WDR90: variants seen among roughly 807,000 people sequenced by gnomAD.
WDR90 encodes the protein WD repeat-containing protein 90.
A neutral mutation model predicts 195.2 loss-of-function variants in WDR90; 238 were observed. The observed-to-expected ratio is 1.22, with a 90% confidence interval of 1.10 to 1.36. The LOEUF is 1.36. WDR90 is among the 40% of genes most tolerant of loss of function. WDR90 has a pLI of 0.00. For missense variants in WDR90, 2,734 were observed against 2,439.5 expected (o/e 1.12, Z -2.54); for synonymous variants, 1,265 against 1,052.4 (o/e 1.20, Z -3.91).
At chr16:662,957 CG>C (rs756930102) in intron 34 of WDR90, 113 bp downstream of exon 34, 2 of 1,463,100 alleles carry the variant, frequency 1.4e-6, no homozygotes, top group South Asian at 2.4e-5. Context: ...GTCACTGGCT[CG>C]CAGCGGCCGC....
At chr16:665,208 G>A (rs1464436942) in intron 34 of WDR90, 3 of 315,288 alleles carry the variant, frequency 9.5e-6, no homozygotes, top group Non-Finnish European at 1.2e-5. Context: ...TGGCGCGCTC[G>A]CTGCAACCTC....
intron 13 of WDR90, chr16:654,669 C>G (rs952694217): frequency 3.6e-6 from 1 of 275,916 alleles, no homozygotes; most frequent in South Asian, 6.4e-5. Context: ...AGGCTGGTCT[C>G]AAACTCCAGG....
chr16:657,137 C>A lies in WDR90; in HGVS notation c.2389C>A (p.Arg797Ser). Residue 797 changes from arginine (R) to serine (S), a missense_variant, in exon 20 of 41, where the codon CGC becomes AGC. Physicochemically the swap from Arg to Ser is moderately radical, Grantham distance 110 (BLOSUM62 -1). Transcript: ENST00000293879. ...VTGLTATPDGRLLFSSCSQGS... is the reference protein window; with the variant it reads ...VTGLTATPDGSLLFSSCSQGS... ...CGGCCTGACCGCCACCCCTGACGGC[C>A]GCCTGCTCTTCAGCTCCTGCTCCCA... 1 of 1,578,338 alleles carries A rather than the reference C, an allele frequency of 6.3e-7. No individual in the cohort carries two copies.
Position 650,103 on chromosome 16 carries a change from T to C in WDR90, c.215T>C (p.Leu72Pro), listed in dbSNP as rs1260842312. 2.5e-6 allele frequency: 4 copies of C among 1,613,072 alleles called. No homozygotes were observed. The highest frequency in any genetic ancestry group is 1.7e-5 in the Admixed American group (1 of 60,030). The change falls in exon 3 of 41, where the codon CTG becomes CCG. Residue 72 changes from leucine to proline, a missense_variant. Transcript: ENST00000293879. ...TCTCTGGGGCTGACGGGACGATACC[T>C]GTATGTGCTCTTTCGGCCCCTGCCC... ...TQSLGLTGRYLYVLFRPLPSK... is the reference protein window; with the variant it reads ...TQSLGLTGRYPYVLFRPLPSK...
chr16:661,239 C>T, intron 29 of WDR90, 67 bp downstream of exon 29: 1 of 1,519,770 alleles, frequency 6.6e-7, no homozygotes, highest in Non-Finnish European at 8.8e-7. Context: ...AGCTCCCGGA[C>T]CGGTGCGGGT....
At chr16:654,775 G>T in intron 13 of WDR90, 1 of 523,860 alleles carries the variant, frequency 1.9e-6, no homozygotes, top group Non-Finnish European at 3.4e-6. Flanking sequence ...TCCACCTTCC[G>T]GCTTGCGGGG....
At position 662,721 on chromosome 16, in the gene WDR90, G is replaced by A; in HGVS notation, c.4188G>A (p.Val1396=). 6 of 1,587,900 alleles carry A rather than the reference G, an allele frequency of 3.8e-6. No individual in the cohort carries two copies. The highest frequency in any genetic ancestry group is 1.7e-4 in the Middle Eastern group (1 of 5,830). ...MEHELVLDGA[V]VSASFDDSVD... is the part of the protein sequence containing the mutation. ...ACGAGCTGGTGCTGGACGGGGCTGTGGTGAGTGCCAGCTTCGATGACAGCG... is the reference window on the plus strand; with the variant it reads ...ACGAGCTGGTGCTGGACGGGGCTGTAGTGAGTGCCAGCTTCGATGACAGCG... The change falls in exon 34 of 41, where the codon GTG becomes GTA. Residue 1396 remains valine (V), a synonymous_variant. Transcript: ENST00000293879.
At position 653,368 on chromosome 16, in the gene WDR90, G is replaced by A; in HGVS notation, c.1150G>A (p.Val384Ile). The stretch of plus-strand genomic sequence containing the variant: ...CCTGTGGACCCCAGACGGGGCGGCT[G>A]TCGTGTACCCCTGCCATGCGGTCAT... ...QALWTPDGAAVVYPCHAVIVV... is the reference protein window; with the variant it reads ...QALWTPDGAAIVYPCHAVIVV... The change falls in exon 11 of 41, where the codon GTC becomes ATC. Residue 384 changes from valine to isoleucine, a missense_variant. Val to Ile is a conservative substitution (Grantham distance 29, BLOSUM62 3). Coordinates refer to ENST00000293879, the MANE Select transcript of WDR90 (RefSeq NM_145294.5). The A allele has an allele frequency of 6.3e-7, 1 of 1,591,410 alleles. No individual in the cohort carries two copies.
At position 656,454 on chromosome 16, in the gene WDR90, G is replaced by A. The variant is rs373458487; in HGVS notation, c.2119G>A (p.Ala707Thr). ...RSHTAPVLAL[A>T]MEQRRGQLAT... ...CCACACCGCCCCGGTGTTGGCCCTC[G>A]CCATGGAGCAGAGGCGGGGACAGCT... Residue 707 changes from alanine (A) to threonine (T), a missense_variant, in exon 18 of 41, where the codon GCC (alanine) becomes ACC (threonine). Ala to Thr is a moderately conservative substitution (Grantham distance 58). Transcript: ENST00000293879. 61 of 1,600,036 alleles carry A rather than the reference G, an allele frequency of 3.8e-5. 1 individual carries two copies. Among genetic ancestry groups the A allele is most frequent in the Admixed American group, 1.2e-4 (7 of 59,082 alleles).
intron 26 of WDR90, among the ~76,000 whole-genome samples, chr16:659,620 T>C (rs1477336675): frequency 6.6e-6 from 1 of 151,720 alleles, no homozygotes; most frequent in East Asian, 1.9e-4. Context: ...CCAGGCACCT[T>C]GTCCCCGTCA....
rs765522494 is a variant in WDR90, at chr16:659,108, C to T, written c.3034C>T (p.Pro1012Ser). The T allele has an allele frequency of 3.1e-6, 5 of 1,612,440 alleles. No individual in the cohort carries two copies. In the Admixed American group the frequency reaches 6.7e-5, roughly 21 times the overall value. ...TESDQSFPGA[P>S]PACKTGPGAG... ...CAGCGACCAAAGCTTCCCCGGGGCCCCCCCAGCCTGCAAGACAGGTGAGTG... is the reference window on the plus strand; with the variant it reads ...CAGCGACCAAAGCTTCCCCGGGGCCTCCCCAGCCTGCAAGACAGGTGAGTG... The change falls in exon 25 of 41, where the codon CCC becomes TCC. Residue 1012 changes from proline to serine, a missense_variant. Transcript: ENST00000293879.
intron 13 of WDR90, 161 bp from the exon 14 acceptor site, chr16:654,868 A>G: frequency 3.2e-6 from 2 of 632,410 alleles, no homozygotes; most frequent in Non-Finnish European, 5.5e-6. Context: ...GGATGAGAAG[A>G]TGGAGGGGCT....
chr16:660,468 C>T, intron 27 of WDR90, 144 bp from the exon 28 acceptor site: 2 of 834,132 alleles, frequency 2.4e-6, no homozygotes, highest in South Asian at 1.7e-5. Context: ...AGCTCCCACA[C>T]CTCCTACCCC....
chr16:657,795 C>T lies in WDR90; in HGVS notation c.2507C>T (p.Pro836Leu), dbSNP rs1313169987. 9 of 1,554,222 alleles carry T rather than the reference C, an allele frequency of 5.8e-6. No individual in the cohort carries two copies. Among genetic ancestry groups the T allele is most frequent in the Non-Finnish European group, 7.8e-6 (9 of 1,149,262 alleles). Residue 836 changes from proline to leucine, a missense_variant, in exon 21 of 41, where the codon CCC (proline) becomes CTC (leucine). Physicochemically the swap from Pro to Leu is moderately conservative, Grantham distance 98. Transcript: ENST00000293879. ...DMVCPDAPAS[P>L]SALAVSRDGR... ...GTATGCCCGGATGCCCCCGCGAGCC[C>T]CAGCGCCCTGGCAGTCAGCAGGGAT... is the stretch of plus-strand genomic sequence containing the variant.
chr16:661,826 G>C (rs1375997526), intron 31 of WDR90, 39 bp downstream of exon 31: 5 of 1,587,288 alleles, frequency 3.2e-6, no homozygotes, highest in Non-Finnish European at 4.3e-6. Context: ...GGGTTGTTTT[G>C]TGGGGTGGAA....
Position 659,924 on chromosome 16 carries a change from C to T in WDR90, c.3185-134C>T, listed in dbSNP as rs148685992. The T allele has an allele frequency of 1.2e-4, 87 of 703,618 alleles. No homozygotes were observed. The East Asian group carries it at 2.2e-3, about 18-fold the overall frequency. The allele number at this position is 703,618 out of a possible 1,614,324, so 43.6% of individuals were successfully genotyped here. A position where few individuals can be genotyped will look rare whatever the true frequency, so the allele number is the denominator to read the frequency against. On this transcript the variant is annotated intron_variant, in intron 26 of 40. Coordinates refer to ENST00000293879, the MANE Select transcript of WDR90 (RefSeq NM_145294.5). ...GGACACGGTTTGCCTGCGTCTGTGG[C>T]TCCGGCCTGTGCCCCGCCGTGCAGT...
At position 665,984 on chromosome 16, in the gene WDR90, G is replaced by A. The variant is rs2038017751; in HGVS notation, c.4469G>A (p.Cys1490Tyr). ...TGCCTGGCATGGAGCCCCCCGTGCT[G>A]TGGCCGCCCTGAGCAGCAGCGGCTA... The part of the protein sequence containing the change: ...CLCLAWSPPC[C>Y]GRPEQQRLAA... The change falls in exon 36 of 41, where the codon TGT becomes TAT. Residue 1490 changes from cysteine to tyrosine, a missense_variant. Coordinates refer to ENST00000293879, the MANE Select transcript of WDR90 (RefSeq NM_145294.5). The A allele has an allele frequency of 1.2e-6, 2 of 1,602,500 alleles. No homozygotes were observed. Among genetic ancestry groups the A allele is most frequent in the East Asian group, 2.2e-5 (1 of 44,864 alleles).
rs774693920 is a variant in WDR90, at chr16:657,877, G to A, written c.2589G>A (p.Ser863=). The A allele has an allele frequency of 2.6e-5, 41 of 1,583,026 alleles. No homozygotes were observed. The highest frequency in any genetic ancestry group is 2.0e-4 in the Admixed American group (11 of 55,358). ...GGTGCACAGTGACAGTCATGGGCTC[G>A]GCCTCCCTTGATGAGGTGAGTCCGC... ...PSRCTVTVMG[S]ASLDELLRVD... The change falls in exon 21 of 41, where the codon TCG becomes TCA. Residue 863 remains serine (S), a synonymous_variant. Coordinates refer to ENST00000293879, the MANE Select transcript of WDR90 (RefSeq NM_145294.5).
In WDR90 at chr16:656,844, A is replaced by C. The variant is rs1337730442; in HGVS notation, c.2315A>C (p.Glu772Ala). The C allele has an allele frequency of 1.2e-6, 2 of 1,612,724 alleles. No individual in the cohort carries two copies. Among genetic ancestry groups the C allele is most frequent in the African/African-American group, 1.3e-5 (1 of 74,914 alleles). Residue 772 changes from glutamate to alanine, a missense_variant, in exon 19 of 41, where the codon GAG becomes GCG. Glu to Ala is a moderately radical substitution (Grantham distance 107). Coordinates refer to ENST00000293879, the MANE Select transcript of WDR90 (RefSeq NM_145294.5). The stretch of plus-strand genomic sequence containing the variant: ...GGGGCCGTGCGCTCCTTCAGCCTGG[A>C]GGCCGCTGAGGTCCTGGTGGAACAC... The part of the protein sequence containing the change: ...SSGAVRSFSL[E>A]AAEVLVEHTC...
Sources: allele counts gnomAD v4.1 joint callset (sites outside exome capture counted in the v4.1 genomes callset), GRCh38; gene constraint gnomAD v4.1.1; transcripts MANE v1.5; gene names NCBI Gene and HGNC (gene_info 2026-07-23, HGNC 2026-07-21).